Variants in NFIB observed in about 807,000 individuals in gnomAD.
NFIB encodes nuclear factor I B.
NFIB carries 11 observed loss-of-function variants against 61.5 expected under a neutral mutation model. The observed-to-expected ratio is 0.18, with a 90% CI of 0.11 to 0.30. The LOEUF is 0.30. Among genes scored for constraint, NFIB ranks in the 10% least tolerant of loss-of-function variants. The pLI is 1.00. For missense variants in NFIB, 471 were observed against 608.9 expected, an observed-to-expected ratio of 0.77 and a Z score of 2.38; for synonymous variants, 260 against 216.5, an observed-to-expected ratio of 1.20 and a Z score of -1.76.
chr9:14,209,097 T>C (rs1047975932), intron 2 of NFIB, among the ~76,000 whole-genome samples: 19 of 152,338 alleles, frequency 1.2e-4, no homozygotes, highest in African/African-American at 4.3e-4. Context: ...TTATGAATCA[T>C]CAATACATCA....
At chr9:14,377,968 T>TGTGATCACTCTAGTA in intron 1 of NFIB, among the ~76,000 whole-genome samples, 1 of 152,320 alleles carries the variant, frequency 6.6e-6, no homozygotes, top group East Asian at 1.9e-4. Context: ...ATGACAAATC[T>TGTGATCACTCTAGTA]GTGATCACTC....
chr9:14,125,570 C>G, intron 7 of NFIB, 62 bp downstream of exon 7: 1 of 1,596,538 alleles, frequency 6.3e-7, no homozygotes, highest in African/African-American at 1.3e-5. Context: ...TGCTCCGTCC[C>G]TAAGGGGGTT....
the NFIB span, among the ~76,000 whole-genome samples, chr9:14,446,714 T>C: frequency 6.6e-6 from 1 of 152,170 alleles, no homozygotes; most frequent in East Asian, 1.9e-4. Context: ...GCTACATAAA[T>C]ATATTCTGTC....
intron 1 of NFIB, among the ~76,000 whole-genome samples, chr9:14,382,945 G>A (rs900765966): frequency 6.6e-6 from 1 of 152,112 alleles, no homozygotes; most frequent in African/African-American, 2.4e-5. Context: ...AGTTTCTCAG[G>A]CTGGGTATCT....
At chr9:14,481,195 GTGTATATATATATATATATATATA>G in the NFIB span, among the ~76,000 whole-genome samples, 2 of 35,008 alleles carry the variant, frequency 5.7e-5, no homozygotes, top group African/African-American at 1.9e-4. Flanking sequence ...GTGTGTGTGT[GTGTATATATATATATATATATATA>G]TATATATATA....
the NFIB span, among the ~76,000 whole-genome samples, chr9:14,471,109 G>A: frequency 6.6e-6 from 1 of 152,170 alleles, no homozygotes; most frequent in Non-Finnish European, 1.5e-5. Flanking sequence ...ATTAGCATAA[G>A]GTTACTATTA....
chr9:14,205,930 AACACACACAC>A (rs112967996), intron 2 of NFIB, among the ~76,000 whole-genome samples: 7 of 148,682 alleles, frequency 4.7e-5, no homozygotes, highest in African/African-American at 1.5e-4. Context: ...TCACCTGAAA[AACACACACAC>A]ACACACACAC....
chr9:14,439,299 G>A, the NFIB span, among the ~76,000 whole-genome samples: 1 of 152,182 alleles, frequency 6.6e-6, no homozygotes, highest in South Asian at 2.1e-4. Context: ...GAGCCCAGGA[G>A]GTCAAGGCTA....
chr9:14,207,251 C>A (rs554594730), intron 2 of NFIB, among the ~76,000 whole-genome samples: 1 of 152,334 alleles, frequency 6.6e-6, no homozygotes, highest in South Asian at 2.1e-4. Context: ...AAATTACTGT[C>A]TTCCCAAATT....
At chr9:14,147,220 G>A (rs988878165) in intron 5 of NFIB, among the ~76,000 whole-genome samples, 1 of 152,006 alleles carries the variant, frequency 6.6e-6, no homozygotes, top group African/African-American at 2.4e-5. Context: ...CCAAAGATAA[G>A]GTAATAAAGT....
the NFIB span, among the ~76,000 whole-genome samples, chr9:14,502,957 G>A: frequency 6.6e-6 from 1 of 151,906 alleles, no homozygotes. Flanking sequence ...TCCCACTTAT[G>A]AGTGCAAACA....
At chr9:14,306,175 G>C (rs2060007096) in intron 2 of NFIB, among the ~76,000 whole-genome samples, 1 of 152,030 alleles carries the variant, frequency 6.6e-6, no homozygotes, top group Non-Finnish European at 1.5e-5. Context: ...TGCAGTTTCT[G>C]TATTCTTTTT....
At chr9:14,324,243 A>C (rs530785023) in intron 1 of NFIB, among the ~76,000 whole-genome samples, 2 of 152,318 alleles carry the variant, frequency 1.3e-5, no homozygotes, top group Admixed American at 1.3e-4. Context: ...GGATTTCCAA[A>C]TAGTAGTTTC....
At chr9:14,111,924 C>T (rs887644160) in intron 10 of NFIB, among the ~76,000 whole-genome samples, 4 of 152,068 alleles carry the variant, frequency 2.6e-5, no homozygotes, top group African/African-American at 9.7e-5. Flanking sequence ...CCTTGGGCTG[C>T]AACTGGAAAG....
Position 14,109,645 on chromosome 9 carries a change from T to A in NFIB, c.1467+3354A>T, listed in dbSNP as rs564423861. On this transcript the variant is annotated intron_variant, in intron 10 of 10. Coordinates refer to ENST00000380953, the MANE Select transcript of NFIB (RefSeq NM_001190737.2). ...ACCAATAATCCCAAAGACAGACTAG[T>A]TCTAGACTTGAAAAGTATTCAAGAT... Among the ~76,000 whole-genome samples the A allele has an allele frequency of 3.3e-5, 5 of 152,212 alleles. No homozygotes were observed. The South Asian group carries it at 1.0e-3, about 32-fold the overall frequency.
At chr9:14,246,208 T>C (rs1002271104) in intron 2 of NFIB, among the ~76,000 whole-genome samples, 3 of 152,068 alleles carry the variant, frequency 2.0e-5, no homozygotes, top group Non-Finnish European at 2.9e-5. Context: ...CTTTCCCTTT[T>C]CCATAAGACC....
intron 1 of NFIB, among the ~76,000 whole-genome samples, chr9:14,322,840 G>T (rs954456001): frequency 1.3e-5 from 2 of 152,024 alleles, no homozygotes; most frequent in African/African-American, 4.8e-5. Context: ...GCATGGGGCC[G>T]GAGAGCGGCG....
At chr9:14,370,385 GT>G (rs995591973) in intron 1 of NFIB, among the ~76,000 whole-genome samples, 2 of 151,958 alleles carry the variant, frequency 1.3e-5, no homozygotes, top group East Asian at 3.9e-4. Context: ...GTAGTTAACT[GT>G]TTTTTTTAGT....
rs73645032 is a variant in NFIB, at chr9:14,272,375, A to G, written c.562+34614T>C. Among the ~76,000 whole-genome samples, 1,423 of 152,202 alleles carry G rather than the reference A, an allele frequency of 9.3e-3. 18 individuals carry two copies. The highest frequency in any genetic ancestry group is 0.032 in the African/African-American group (1,313 of 41,528). On this transcript the variant is annotated intron_variant, in intron 2 of 10. Transcript: ENST00000380953. Reference sequence around the variant, plus strand: ...ATGACCCATGCAATAGAGCCATGACATTTTTCCTTGCCATTATTTTAAAGG... The same window carrying G: ...ATGACCCATGCAATAGAGCCATGACGTTTTTCCTTGCCATTATTTTAAAGG...
Sources: allele counts gnomAD v4.1 joint callset (sites outside exome capture counted in the v4.1 genomes callset), GRCh38; gene constraint gnomAD v4.1.1; transcripts MANE v1.5; gene names NCBI Gene and HGNC (gene_info 2026-07-23, HGNC 2026-07-21).